Variants in TIMP2 observed in about 807,000 individuals in gnomAD.
The protein encoded by TIMP2 is metalloproteinase inhibitor 2.
A neutral mutation model predicts 24.3 loss-of-function variants in TIMP2; 5 were observed. The observed-to-expected ratio is 0.21, with a 90% CI of 0.11 to 0.43. The LOEUF is 0.43. TIMP2 is among the 20% of genes least tolerant of loss of function. TIMP2 has a pLI of 1.00. For synonymous variants in TIMP2, 130 were observed against 123.2 expected (o/e 1.06, Z -0.37); for missense variants, 221 against 297.5 (o/e 0.74, Z 1.89).
intron 3 of TIMP2, among the ~76,000 whole-genome samples, chr17:78,870,612 G>GCCTC (rs1363874384): frequency 6.6e-6 from 1 of 152,112 alleles, no homozygotes; most frequent in Non-Finnish European, 1.5e-5. Context: ...TCTCTGCCCT[G>GCCTC]CATGTCTCCA....
In TIMP2 at chr17:78,924,886, G is replaced by T. The variant is rs1015097243; in HGVS notation, c.130+73C>A. 1.0e-4 allele frequency: 103 copies of T among 1,014,066 alleles called. 1 individual carries two copies. The South Asian group carries it at 3.9e-3, about 39-fold the overall frequency. The allele number at this position is 1,014,066 out of a possible 1,614,324, so 62.8% of individuals were successfully genotyped here. On this transcript the variant is annotated intron_variant, in intron 1 of 4. Transcript: ENST00000262768. This position sits in a 1 kb window ranked among gnomAD's most constrained non-coding sequence, Gnocchi z 5.3. Reference sequence around the variant, plus strand: ...GTCCCTCGGCCAGCGGCGGGCGGGCGGGGCGTCTGCGAACCCTCGGGGTCG... The same window carrying T: ...GTCCCTCGGCCAGCGGCGGGCGGGCTGGGCGTCTGCGAACCCTCGGGGTCG...
At chr17:78,859,917 A>G (rs1020993556) in intron 3 of TIMP2, among the ~76,000 whole-genome samples, 1 of 152,094 alleles carries the variant, frequency 6.6e-6, no homozygotes, top group East Asian at 1.9e-4. Context: ...GCTTGAACCC[A>G]GTGGGCAGAG....
At chr17:78,867,789 C>T (rs983996869) in intron 3 of TIMP2, among the ~76,000 whole-genome samples, 1 of 151,470 alleles carries the variant, frequency 6.6e-6, no homozygotes, top group Middle Eastern at 3.4e-3. Flanking sequence ...TCAGTGGAAA[C>T]GGGGTTTCAC....
chr17:78,905,496 C>T (rs1381565717), intron 1 of TIMP2, among the ~76,000 whole-genome samples: 1 of 152,238 alleles, frequency 6.6e-6, no homozygotes, highest in Non-Finnish European at 1.5e-5. Context: ...ATCTTTTATC[C>T]TCTCAGCGTG....
chr17:78,873,558 G>T (rs765781696), intron 2 of TIMP2, among the ~76,000 whole-genome samples: 27 of 152,232 alleles, frequency 1.8e-4, no homozygotes, highest in Non-Finnish European at 2.8e-4. Context: ...CTCCCGAAGT[G>T]CTGGGATTAC....
intron 1 of TIMP2, among the ~76,000 whole-genome samples, chr17:78,902,249 A>C (rs1474080158): frequency 6.6e-6 from 1 of 152,244 alleles, no homozygotes; most frequent in Non-Finnish European, 1.5e-5. Flanking sequence ...CTGGGACTAC[A>C]GGCGCACGCC....
chr17:78,904,379 T>G (rs6501261), intron 1 of TIMP2: 82,285 of 151,676 alleles, frequency 0.54, 22,775 homozygotes, highest in African/African-American at 0.65. Flanking sequence ...AATCCTCAGG[T>G]TGTTGTTTCT....
intron 1 of TIMP2, among the ~76,000 whole-genome samples, chr17:78,917,191 G>A (rs1011487685): frequency 1.2e-3 from 174 of 147,456 alleles, no homozygotes; most frequent in African/African-American, 4.2e-3. Flanking sequence ...GGCGGAGCTT[G>A]CAGTGAGCCG....
intron 3 of TIMP2, among the ~76,000 whole-genome samples, chr17:78,858,003 C>T (rs997644925): frequency 1.3e-5 from 2 of 151,826 alleles, no homozygotes; most frequent in Non-Finnish European, 2.9e-5. Flanking sequence ...ACCCCAGAGG[C>T]GGAAGTTGCA....
chr17:78,887,567 T>C (rs1328777961), intron 1 of TIMP2, among the ~76,000 whole-genome samples: 1 of 152,074 alleles, frequency 6.6e-6, no homozygotes, highest in East Asian at 1.9e-4. Context: ...GTATTTTTAG[T>C]AGAGACGGGG....
At chr17:78,908,542 C>T (rs968222399) in intron 1 of TIMP2, among the ~76,000 whole-genome samples, 1 of 152,140 alleles carries the variant, frequency 6.6e-6, no homozygotes, top group Admixed American at 6.5e-5. Flanking sequence ...CCCAGAGACT[C>T]GAGCCAGGAT....
intron 3 of TIMP2, among the ~76,000 whole-genome samples, chr17:78,861,881 G>A (rs1398769245): frequency 6.6e-6 from 1 of 152,110 alleles, no homozygotes; most frequent in Non-Finnish European, 1.5e-5. Flanking sequence ...CTTTTCAATG[G>A]TCCTAGTTAT....
intron 1 of TIMP2, among the ~76,000 whole-genome samples, chr17:78,883,911 G>A (rs2069801789): frequency 6.6e-6 from 1 of 152,230 alleles, no homozygotes; most frequent in Non-Finnish European, 1.5e-5. Context: ...TGGGCCAGCA[G>A]GTCTCATGCC....
intron 1 of TIMP2, among the ~76,000 whole-genome samples, chr17:78,879,952 G>C (rs1020434113): frequency 6.6e-6 from 1 of 151,966 alleles, no homozygotes; most frequent in African/African-American, 2.4e-5. Flanking sequence ...CCAAGGTCGC[G>C]GGAGACGATC....
intron 1 of TIMP2, among the ~76,000 whole-genome samples, chr17:78,906,406 A>G (rs1038039362): frequency 6.6e-6 from 1 of 152,114 alleles, no homozygotes; most frequent in Non-Finnish European, 1.5e-5. Context: ...AAATAAAAAT[A>G]AAAATAAAAA....
At chr17:78,889,664 G>T (rs1231577830) in intron 1 of TIMP2, among the ~76,000 whole-genome samples, 1 of 152,174 alleles carries the variant, frequency 6.6e-6, no homozygotes, top group Non-Finnish European at 1.5e-5. Context: ...CTCCATCTGT[G>T]CCTGTGGCCC....
intron 1 of TIMP2, chr17:78,890,532 A>G (rs2069871171): frequency 1.6e-6 from 2 of 1,274,534 alleles, no homozygotes; most frequent in South Asian, 3.0e-5. Flanking sequence ...AAAGAGGCCT[A>G]ATAGTCTCTG....
At chr17:78,858,347 G>A (rs568929815) in intron 3 of TIMP2, among the ~76,000 whole-genome samples, 1 of 151,846 alleles carries the variant, frequency 6.6e-6, no homozygotes, top group African/African-American at 2.4e-5. Context: ...GGAGGCTGAG[G>A]TAGGAGAATG....
intron 1 of TIMP2, among the ~76,000 whole-genome samples, chr17:78,879,646 G>A (rs7220980): frequency 0.94 from 142,488 of 152,174 alleles, 66,842 homozygotes; most frequent in African/African-American, 0.98. Flanking sequence ...CCTGAGCCCA[G>A]AAACCACGGC....
Sources: allele counts gnomAD v4.1 joint callset (sites outside exome capture counted in the v4.1 genomes callset), GRCh38; gene constraint gnomAD v4.1.1; non-coding constraint Gnocchi (gnomAD v3.1); transcripts MANE v1.5; gene names NCBI Gene and HGNC (gene_info 2026-07-23, HGNC 2026-07-21).